Variants in PEG3 observed in about 807,000 individuals in gnomAD.
PEG3 encodes the protein paternally expressed 3, also known as paternally-expressed gene 3 protein.
Under a neutral mutation model 35.5 loss-of-function variants are expected in PEG3, and 23 were observed. The observed-to-expected ratio is 0.65, with a 90% CI of 0.47 to 0.92. The LOEUF is 0.92. PEG3 is among the 40% of genes least tolerant of loss of function. The pLI is 0.00. For missense variants in PEG3, 1,960 were observed against 1,985.3 expected (o/e 0.99, Z 0.24); for synonymous variants, 707 against 697.0 (o/e 1.01, Z -0.23).
chr19:56,812,871 A>G lies in PEG3; in HGVS notation c.*804T>C, dbSNP rs1426508482. On this transcript the variant is annotated 3_prime_UTR_variant, in exon 10 of 10. Coordinates refer to ENST00000326441, the MANE Select transcript of PEG3 (RefSeq NM_006210.3). The stretch of plus-strand genomic sequence containing the variant: ...TGTGTAATATTTTTGCATGAGAACC[A>G]CTTCAACAAACATAACATGTGGCAA... 20 of 985,442 alleles carry G rather than the reference A, an allele frequency of 2.0e-5. No individual in the cohort carries two copies. The highest frequency in any genetic ancestry group is 2.4e-5 in the Non-Finnish European group (20 of 829,876). The allele number at this position is 985,442 out of a possible 1,614,324, so 61.0% of individuals were successfully genotyped here. A position where few individuals can be genotyped will look rare whatever the true frequency, so the allele number is the denominator to read the frequency against.
chr19:56,817,009 T>G lies in PEG3; in HGVS notation c.1433A>C (p.Asn478Thr), dbSNP rs898396338. Reference sequence around the variant, plus strand: ...AAAGGACTCACCATACTCATAGAGGTTCTCTCTAGTATGCATGATCTGGTG... The same window carrying G: ...AAAGGACTCACCATACTCATAGAGGGTCTCTCTAGTATGCATGATCTGGTG... ...VEHQIMHTRE[N>T]LYEYGESFIH... Residue 478 changes from asparagine to threonine, a missense_variant, in exon 10 of 10, where the codon AAC becomes ACC. Physicochemically the swap from Asn to Thr is moderately conservative, Grantham distance 65. This residue lies in a region of PEG3 where 798 missense variants were observed against 782.4 expected (regional missense o/e 1.02). Coordinates refer to ENST00000326441, the MANE Select transcript of PEG3 (RefSeq NM_006210.3). The G allele has an allele frequency of 5.0e-6, 8 of 1,613,848 alleles. No individual in the cohort carries two copies. The highest frequency in any genetic ancestry group is 6.8e-6 in the Non-Finnish European group (8 of 1,179,730).
Position 56,816,673 on chromosome 19 carries a change from T to C in PEG3, c.1769A>G (p.Lys590Arg). ...ACGTTCATGTTCACGCTCATTATCT[T>C]TGTCATCCCCAAAGTGGATTTTCTG... ...EHQKIHFGDD[K>R]DNEREHERER... The change falls in exon 10 of 10, where the codon AAA becomes AGA. Residue 590 changes from lysine to arginine, a missense_variant. By Grantham distance (26) the Lys-to-Arg change is conservative. Around this residue, in one of 5 missense-constraint regions of PEG3, gnomAD observed 798 missense variants for 782.4 expected, o/e 1.02. Transcript: ENST00000326441. 1.1e-5 allele frequency: 17 copies of C among 1,614,086 alleles called. No homozygotes were observed. The highest frequency in any genetic ancestry group is 1.7e-5 in the Admixed American group (1 of 60,006).
chr19:56,834,655 G>A (rs1366339474), intron 2 of PEG3, among the ~76,000 whole-genome samples: 2 of 152,142 alleles, frequency 1.3e-5, no homozygotes, highest in African/African-American at 4.8e-5. Context: ...TCGGGCAAAG[G>A]AGGTTTCCAA....
In PEG3 at chr19:56,813,027, G is replaced by A. The variant is rs997459621; in HGVS notation, c.*648C>T. ...AAGTACTTATCTTTTCAAACAGTAA[G>A]GAGTAAAAGCCATGTTATCTATCAT... On this transcript the variant is annotated 3_prime_UTR_variant, in exon 10 of 10. Transcript: ENST00000326441. 4.1e-6 allele frequency: 4 copies of A among 985,562 alleles called. No individual in the cohort carries two copies. The South Asian group carries it at 1.9e-4, about 46-fold the overall frequency. 61.1% of individuals were successfully genotyped at this position (985,562 alleles called of 1,614,324 possible).
At chr19:56,839,063 C>G (rs759260186) in intron 1 of PEG3, among the ~76,000 whole-genome samples, 1 of 151,830 alleles carries the variant, frequency 6.6e-6, no homozygotes, top group African/African-American at 2.4e-5. Flanking sequence ...CCCAGGCGGG[C>G]GGGCCTTGTC....
In PEG3 at chr19:56,812,710, G is replaced by C. The variant is rs1198677016; in HGVS notation, c.*965C>G. Reference sequence around the variant, plus strand: ...CTCAACCTTCATTAGGCACTACTGTGATCTAGTGATGGTTGTAACCCATTC... The same window carrying C: ...CTCAACCTTCATTAGGCACTACTGTCATCTAGTGATGGTTGTAACCCATTC... On this transcript the variant is annotated 3_prime_UTR_variant, in exon 10 of 10. Transcript: ENST00000326441. The C allele has an allele frequency of 1.0e-6, 1 of 982,598 alleles. No individual in the cohort carries two copies. Among genetic ancestry groups the C allele is most frequent in the African/African-American group, 1.8e-5 (1 of 57,058 alleles). The allele number at this position is 982,598 out of a possible 1,614,324, so 60.9% of individuals were successfully genotyped here.
chr19:56,832,036 A>G (rs1056136848), intron 2 of PEG3, among the ~76,000 whole-genome samples: 1 of 152,240 alleles, frequency 6.6e-6, no homozygotes. Context: ...AAACTGGAAG[A>G]AAACTCACAT....
intron 7 of PEG3, among the ~76,000 whole-genome samples, chr19:56,820,140 T>C (rs1210491782): frequency 6.6e-6 from 1 of 152,234 alleles, no homozygotes; most frequent in Non-Finnish European, 1.5e-5. Flanking sequence ...TCTTAATGCA[T>C]ACAAACTGCA....
At position 56,818,737 on chromosome 19, in the gene PEG3, T is replaced by C. The variant is rs757115227; in HGVS notation, c.670-35A>G. 16 of 1,606,998 alleles carry C rather than the reference T, an allele frequency of 1.0e-5. 1 individual carries two copies. Among genetic ancestry groups the C allele is most frequent in the East Asian group, 6.7e-5 (3 of 44,826 alleles). On this transcript the variant is annotated intron_variant, in intron 7 of 9. Coordinates refer to ENST00000326441, the MANE Select transcript of PEG3 (RefSeq NM_006210.3). Reference sequence around the variant, plus strand: ...CAAACACAGACCTCTCAATGGAGTCTGTCCCCACCGATGTTCAAAGACAGA... The same window carrying C: ...CAAACACAGACCTCTCAATGGAGTCCGTCCCCACCGATGTTCAAAGACAGA...
chr19:56,825,812 T>G (rs528315247), intron 3 of PEG3, among the ~76,000 whole-genome samples: 37 of 152,334 alleles, frequency 2.4e-4, no homozygotes, highest in Non-Finnish European at 5.0e-4. Flanking sequence ...TTTAAATTTT[T>G]TAATTTGGAA....
intron 1 of PEG3, among the ~76,000 whole-genome samples, chr19:56,836,862 G>T (rs1166366981): frequency 6.6e-6 from 1 of 150,902 alleles, no homozygotes; most frequent in East Asian, 2.0e-4. Context: ...CAGCTACTCT[G>T]AAGAGGCTGG....
At position 56,812,312 on chromosome 19, in the gene PEG3, C is replaced by CA; in HGVS notation, c.*1362dup. 1 of 982,196 alleles carries CA rather than the reference C, an allele frequency of 1.0e-6. No individual in the cohort carries two copies. Among genetic ancestry groups the CA allele is most frequent in the Non-Finnish European group, 1.2e-6 (1 of 827,308 alleles). 60.8% of individuals were successfully genotyped at this position (982,196 alleles called of 1,614,324 possible). On this transcript the variant is annotated 3_prime_UTR_variant, in exon 10 of 10. Transcript: ENST00000326441. Reference sequence around the variant, plus strand: ...ACTAAGATTAGATGAACACAACACTCAGAAATACTCTAGGAGAGCTGAAAA... The same window carrying CA: ...ACTAAGATTAGATGAACACAACACTCAAGAAATACTCTAGGAGAGCTGAAAA...
At position 56,814,106 on chromosome 19, in the gene PEG3, G is replaced by A. The variant is rs1568614466; in HGVS notation, c.4336C>T (p.Pro1446Ser). The A allele has an allele frequency of 6.2e-7, 1 of 1,613,896 alleles. No homozygotes were observed. Among genetic ancestry groups the A allele is most frequent in the Non-Finnish European group, 8.5e-7 (1 of 1,180,004 alleles). ...AGQPNGEAEQ[P>S]NGDADEPDGA... ...TCTGGCTCATCAGCATCCCCATTTG[G>A]CTGCTCGGCCTCTCCATTTGGCTGT... The change falls in exon 10 of 10, where the codon CCA becomes TCA. Residue 1446 changes from proline (P) to serine (S), a missense_variant. Physicochemically the swap from Pro to Ser is moderately conservative, Grantham distance 74. Coordinates refer to ENST00000326441, the MANE Select transcript of PEG3 (RefSeq NM_006210.3). The surrounding 1 kb of genome is among the most constrained non-coding windows in gnomAD (Gnocchi z 5.8).
Position 56,813,429 on chromosome 19 carries a change from T to G in PEG3, c.*246A>C, listed in dbSNP as rs2059679538. 7.7e-7 allele frequency: 1 copy of G among 1,305,842 alleles called. No individual in the cohort carries two copies. Among genetic ancestry groups the G allele is most frequent in the Admixed American group, 3.5e-5 (1 of 28,612 alleles). The allele number at this position is 1,305,842 out of a possible 1,614,324, so 80.9% of individuals were successfully genotyped here. ...ATAGGGTTTTCTCAATCTGATTACTTGGAAAGGTAAGATGTGTGCTATGGC... is the reference window on the plus strand; with the variant it reads ...ATAGGGTTTTCTCAATCTGATTACTGGGAAAGGTAAGATGTGTGCTATGGC... On this transcript the variant is annotated 3_prime_UTR_variant, in exon 10 of 10. Coordinates refer to ENST00000326441, the MANE Select transcript of PEG3 (RefSeq NM_006210.3).
chr19:56,833,108 A>G (rs551279665), intron 2 of PEG3: 1 of 510,272 alleles, frequency 2.0e-6, no homozygotes, highest in African/African-American at 1.9e-5. Flanking sequence ...ATCATGCACT[A>G]GAAAGCGTCT....
chr19:56,827,253 C>CA (rs538852295), intron 2 of PEG3, among the ~76,000 whole-genome samples: 12 of 151,484 alleles, frequency 7.9e-5, no homozygotes, highest in East Asian at 1.9e-4. Context: ...ACTTCTGTGC[C>CA]AAAAAAAATA....
At chr19:56,823,061 A>G (rs2060655041) in intron 5 of PEG3, among the ~76,000 whole-genome samples, 1 of 152,224 alleles carries the variant, frequency 6.6e-6, no homozygotes, top group Non-Finnish European at 1.5e-5. Flanking sequence ...GCTTCCAAGC[A>G]AGTTCCAAAG....
intron 1 of PEG3, among the ~76,000 whole-genome samples, chr19:56,837,413 C>T (rs2062275289): frequency 6.6e-6 from 1 of 152,246 alleles, no homozygotes; most frequent in African/African-American, 2.4e-5. Context: ...CCAAATCTTA[C>T]ACCCACAGCC....
At chr19:56,833,089 A>G in intron 2 of PEG3, 1 of 493,962 alleles carries the variant, frequency 2.0e-6, no homozygotes, top group South Asian at 1.5e-5. Flanking sequence ...GAACTTAATG[A>G]AAGAACACAT....
Sources: allele counts gnomAD v4.1 joint callset (sites outside exome capture counted in the v4.1 genomes callset), GRCh38; gene constraint gnomAD v4.1.1; regional missense constraint gnomAD v4.1.1; non-coding constraint Gnocchi (gnomAD v3.1); transcripts MANE v1.5; gene names NCBI Gene and HGNC (gene_info 2026-07-23, HGNC 2026-07-21).